The following CRACR2A variants were observed in gnomAD, a reference collection of about 807,000 sequenced individuals.
The protein encoded by CRACR2A is calcium release activated channel regulator 2A.
A neutral mutation model predicts 90.5 loss-of-function variants in CRACR2A; 79 were observed. That is an observed-to-expected ratio of 0.87 (90% CI 0.73 to 1.05). The LOEUF (loss-of-function observed/expected upper bound fraction) is 1.05. Among genes scored for constraint, CRACR2A ranks in the 50% least tolerant of loss-of-function variants. The pLI, the probability that CRACR2A is intolerant of heterozygous loss-of-function variation, is 0.00. For synonymous variants in CRACR2A, 338 were observed against 356.7 expected (o/e 0.95, Z 0.59); for missense variants, 823 against 897.2 (o/e 0.92, Z 1.06).
chr12:3,622,664 C>T (rs1169155531), intron 17 of CRACR2A, among the ~76,000 whole-genome samples: 1 of 151,968 alleles, frequency 6.6e-6, no homozygotes, highest in African/African-American at 2.4e-5. Context: ...GTTTTAATAT[C>T]TATTTGCTAG....
intron 4 of CRACR2A, 103 bp downstream of exon 4, chr12:3,696,669 T>C (rs1945745097): frequency 6.6e-7 from 1 of 1,508,510 alleles, no homozygotes; most frequent in East Asian, 2.3e-5. Flanking sequence ...ACTGGTGGCA[T>C]CTTTTCTGTT....
intron 2 of CRACR2A, chr12:3,730,199 T>C (rs937598726): frequency 1.4e-4 from 21 of 152,230 alleles, no homozygotes; most frequent in African/African-American, 5.1e-4. Context: ...TGGTTTTCAG[T>C]TTCCCCCTTG....
intron 8 of CRACR2A, among the ~76,000 whole-genome samples, chr12:3,656,997 C>T (rs988015538): frequency 5.3e-5 from 8 of 152,218 alleles, no homozygotes; most frequent in Non-Finnish European, 8.8e-5. Flanking sequence ...TGCTCCTTCC[C>T]TAGGCTGGGC....
chr12:3,654,155 C>G lies in CRACR2A; in HGVS notation c.1046+57G>C. On this transcript the variant is annotated intron_variant, in intron 10 of 19. Transcript: ENST00000440314. ...GTCTCTGAGCGGCGAGGGGACATGCCCATAGTGGGGAGTGGTGCGGGAAGA... is the reference window on the plus strand; with the variant it reads ...GTCTCTGAGCGGCGAGGGGACATGCGCATAGTGGGGAGTGGTGCGGGAAGA... The G allele has an allele frequency of 1.9e-6, 3 of 1,581,504 alleles. No individual in the cohort carries two copies. The South Asian group carries it at 3.4e-5, about 18-fold the overall frequency.
intron 4 of CRACR2A, among the ~76,000 whole-genome samples, chr12:3,696,178 T>C (rs928488523): frequency 1.3e-5 from 2 of 152,242 alleles, no homozygotes; most frequent in African/African-American, 4.8e-5. Context: ...GTAGTTGTGA[T>C]AGAGACTGTA....
chr12:3,626,970 T>C (rs1944274741), intron 17 of CRACR2A, among the ~76,000 whole-genome samples: 1 of 152,040 alleles, frequency 6.6e-6, no homozygotes, highest in African/African-American at 2.4e-5. Flanking sequence ...AAACATTGCA[T>C]GGTGTGGCTC....
intron 4 of CRACR2A, among the ~76,000 whole-genome samples, chr12:3,695,631 C>T (rs60270817): frequency 8.7e-4 from 132 of 152,324 alleles, no homozygotes; most frequent in African/African-American, 3.1e-3. Context: ...TAATGAGGGT[C>T]CCCATTTCAT....
intron 5 of CRACR2A, 144 bp from the exon 6 acceptor site, chr12:3,679,242 A>G (rs2137609706): frequency 1.3e-6 from 1 of 757,908 alleles, no homozygotes; most frequent in Non-Finnish European, 2.0e-6. Context: ...ATCCATGGAC[A>G]TGGGTCCGTG....
intron 2 of CRACR2A, among the ~76,000 whole-genome samples, chr12:3,724,856 T>C (rs1946237104): frequency 6.6e-6 from 1 of 152,190 alleles, no homozygotes; most frequent in Admixed American, 6.5e-5. Flanking sequence ...TGGTTCCCAC[T>C]GCTATGGAAT....
At chr12:3,642,852 G>A (rs985444050) in intron 12 of CRACR2A, among the ~76,000 whole-genome samples, 8 of 152,158 alleles carry the variant, frequency 5.3e-5, no homozygotes, top group African/African-American at 1.7e-4. Context: ...AATCTCTCTC[G>A]TTAATTAGCC....
intron 15 of CRACR2A, among the ~76,000 whole-genome samples, chr12:3,631,364 G>A (rs758824274): frequency 1.3e-5 from 2 of 152,166 alleles, no homozygotes; most frequent in Non-Finnish European, 2.9e-5. Flanking sequence ...TTTGTTGTCA[G>A]GAGAGGCAGG....
intron 2 of CRACR2A, among the ~76,000 whole-genome samples, chr12:3,725,039 G>T (rs780890174): frequency 6.6e-6 from 1 of 152,054 alleles, no homozygotes; most frequent in Non-Finnish European, 1.5e-5. Flanking sequence ...ATCAGTGCCC[G>T]CTCCCCCTGG....
chr12:3,727,301 G>C (rs1204618312), intron 2 of CRACR2A: 1 of 152,078 alleles, frequency 6.6e-6, no homozygotes, highest in East Asian at 1.9e-4. Context: ...CCCCAAAGAA[G>C]TAACCATGAT....
chr12:3,634,377 C>T (rs1399068210), intron 14 of CRACR2A, among the ~76,000 whole-genome samples: 4 of 152,146 alleles, frequency 2.6e-5, no homozygotes, highest in Non-Finnish European at 5.9e-5. Context: ...AGGGTCTCCA[C>T]TTAGGAAGCT....
intron 15 of CRACR2A, among the ~76,000 whole-genome samples, chr12:3,629,406 T>A (rs996034935): frequency 2.0e-5 from 3 of 152,180 alleles, no homozygotes; most frequent in African/African-American, 7.2e-5. Flanking sequence ...GTTTTCTTCC[T>A]GGCTAGAAGT....
intron 5 of CRACR2A, among the ~76,000 whole-genome samples, chr12:3,679,819 C>T (rs565458869): frequency 1.3e-5 from 2 of 152,314 alleles, no homozygotes; most frequent in East Asian, 1.9e-4. Flanking sequence ...TAGCTGTTAT[C>T]CCTCAACCTG....
chr12:3,735,934 T>C (rs886681374), intron 1 of CRACR2A, among the ~76,000 whole-genome samples: 3 of 152,034 alleles, frequency 2.0e-5, no homozygotes, highest in Admixed American at 6.6e-5. Context: ...TGAGAAGGGA[T>C]GGCATGCTCA....
At chr12:3,693,558 C>A (rs574241868) in intron 4 of CRACR2A, among the ~76,000 whole-genome samples, 1 of 152,106 alleles carries the variant, frequency 6.6e-6, no homozygotes, top group Non-Finnish European at 1.5e-5. Flanking sequence ...CTTATTTCTC[C>A]GCTTATGAAG....
At chr12:3,675,061 T>C (rs1478720561) in intron 6 of CRACR2A, among the ~76,000 whole-genome samples, 1 of 152,244 alleles carries the variant, frequency 6.6e-6, no homozygotes, top group East Asian at 1.9e-4. Flanking sequence ...TGTATGCCTA[T>C]ACTTCTCTTG....
Sources: allele counts gnomAD v4.1 joint callset (sites outside exome capture counted in the v4.1 genomes callset), GRCh38; gene constraint gnomAD v4.1.1; transcripts MANE v1.5; gene names NCBI Gene and HGNC (gene_info 2026-07-23, HGNC 2026-07-21).